Variants in FAAP20 observed in about 807,000 individuals in gnomAD.
FAAP20 encodes FA core complex associated protein 20, also known as Fanconi anemia core complex-associated protein 20.
A neutral mutation model predicts 16.2 loss-of-function variants in FAAP20; 12 were observed. The observed-to-expected ratio is 0.74, with a 90% CI of 0.48 to 1.20. The LOEUF is 1.20. FAAP20 is among the 50% of genes most tolerant of loss of function. FAAP20 has a pLI of 0.00. For missense variants in FAAP20, 288 were observed against 245.8 expected, an observed-to-expected ratio of 1.17 and a Z score of -1.15; for synonymous variants, 141 against 110.7, an observed-to-expected ratio of 1.27 and a Z score of -1.72.
At chr1:2,193,586 G>C (rs559286660) in intron 3 of FAAP20, 53 bp downstream of exon 3, 1 of 1,572,434 alleles carries the variant, frequency 6.4e-7, no homozygotes, top group Non-Finnish European at 8.5e-7. Context: ...GAACGGCTGT[G>C]GTTTCCAAAC....
upstream of FAAP20, among the ~76,000 whole-genome samples, chr1:2,197,464 C>T (rs967229283): frequency 6.6e-6 from 1 of 152,214 alleles, no homozygotes; most frequent in Admixed American, 6.5e-5. Flanking sequence ...GTAGGAGGCA[C>T]GGGCCTGCAG....
downstream of FAAP20, among the ~76,000 whole-genome samples, chr1:2,188,159 G>A (rs1687781483): frequency 6.6e-6 from 1 of 152,236 alleles, no homozygotes; most frequent in South Asian, 2.1e-4. Flanking sequence ...GGGGGTCAGA[G>A]CTGAGCCCGC....
downstream of FAAP20, chr1:2,187,267 G>A (rs1388515086): frequency 4.9e-6 from 2 of 411,678 alleles, no homozygotes; most frequent in Non-Finnish European, 9.8e-6. Flanking sequence ...AAGAAGCAAA[G>A]GTTTCTGAAG....
chr1:2,185,179 C>T (rs1687393441), downstream of FAAP20: 9 of 726,742 alleles, frequency 1.2e-5, no homozygotes, highest in Admixed American at 1.8e-4. Flanking sequence ...GCAGAACAGT[C>T]CCTCACACCT....
downstream of FAAP20, chr1:2,189,540 G>A (rs905915393): frequency 3.1e-6 from 2 of 635,892 alleles, no homozygotes; most frequent in African/African-American, 1.8e-5. Context: ...AAAGAAAAGC[G>A]GCAGACGTTT....
downstream of FAAP20, among the ~76,000 whole-genome samples, chr1:2,189,015 A>G (rs1687857394): frequency 6.9e-6 from 1 of 144,902 alleles, no homozygotes; most frequent in Non-Finnish European, 1.5e-5. Context: ...AAAAAAGAAA[A>G]AAAAAAAAAA....
chr1:2,184,827 C>T (rs1026068248), downstream of FAAP20: 22 of 1,375,270 alleles, frequency 1.6e-5, no homozygotes, highest in South Asian at 3.7e-5. Context: ...CTCCAGTGGG[C>T]GTTGGGGGAG....
chr1:2,193,909 T>A lies in FAAP20; in HGVS notation c.200A>T (p.Glu67Val). 6.2e-7 allele frequency: 1 copy of A among 1,611,986 alleles called. No homozygotes were observed. The highest frequency in any genetic ancestry group is 8.5e-7 in the Non-Finnish European group (1 of 1,179,660). The change falls in exon 3 of 4, where the codon GAG (glutamate) becomes GTG (valine). Residue 67 changes from glutamate to valine, a missense_variant and splice_region_variant. Coordinates refer to ENST00000378546, the MANE Select transcript of FAAP20 (RefSeq NM_182533.4). ...AGTGGGCTCCGGGCCGCACCTGGGC[T>A]CCTGCAACACAGAGTTGTTGGGCCT... ...VPSLPAFPGQ[E>V]PRCGPEPTEV... is the part of the protein sequence containing the mutation.
At chr1:2,212,013 C>T (rs1689464648), downstream of FAAP20, among the ~76,000 whole-genome samples, 1 of 150,882 alleles carries the variant, frequency 6.6e-6, no homozygotes, top group African/African-American at 2.5e-5. Context: ...CACCATTCTC[C>T]TGCCTCAGCC....
At chr1:2,200,910 G>C, upstream of FAAP20, 1 of 1,125,974 alleles carries the variant, frequency 8.9e-7, no homozygotes, top group Non-Finnish European at 1.1e-6. Context: ...CCCAGGGAAG[G>C]TCTGGCTTCT....
downstream of FAAP20, chr1:2,186,214 C>T (rs745511040): frequency 5.2e-4 from 175 of 336,086 alleles, no homozygotes; most frequent in Admixed American, 1.0e-3. Flanking sequence ...GCCTCCATGA[C>T]TCAGGGGCCG....
intron 3 of FAAP20, chr1:2,192,626 G>C (rs1013548868): frequency 1.3e-5 from 15 of 1,168,652 alleles, no homozygotes; most frequent in East Asian, 1.2e-4. Context: ...AGTACCCTCT[G>C]TCCGTGATTC....
chr1:2,184,861 G>A (rs769322403), downstream of FAAP20: 56 of 1,485,312 alleles, frequency 3.8e-5, 1 homozygote, highest in African/African-American at 1.5e-4. Flanking sequence ...ACGTGACTCC[G>A]CTTCCCCCAA....
chr1:2,189,649 C>T lies in FAAP20; in HGVS notation c.*60G>A. The T allele has an allele frequency of 1.4e-6, 2 of 1,391,570 alleles. No homozygotes were observed. The highest frequency in any genetic ancestry group is 2.0e-6 in the Non-Finnish European group (2 of 1,004,792). 86.2% of individuals were successfully genotyped at this position (1,391,570 alleles called of 1,614,324 possible). A position where few individuals can be genotyped will look rare whatever the true frequency, so the allele number is the denominator to read the frequency against. ...CTGGCGGGGGAGCCGAGAGGCGGGG[C>T]TGCTGGCGGGGGAGAGCGTGTCCGG... On this transcript the variant is annotated 3_prime_UTR_variant, in exon 4 of 4. Coordinates refer to ENST00000378546, the MANE Select transcript of FAAP20 (RefSeq NM_182533.4).
chr1:2,194,244 G>A (rs1180799325), intron 1 of FAAP20, 111 bp from the exon 2 acceptor site: 17 of 1,426,770 alleles, frequency 1.2e-5, no homozygotes, highest in Non-Finnish European at 9.4e-6. Context: ...GGGTACTAGA[G>A]GGAAATTCGA....
chr1:2,185,559 G>A (rs777239353), downstream of FAAP20: 11 of 711,224 alleles, frequency 1.5e-5, no homozygotes, highest in South Asian at 1.0e-4. Flanking sequence ...AAAAACCCCG[G>A]TAAGTTCCTG....
In FAAP20 at chr1:2,189,729, T is replaced by A; in HGVS notation, c.523A>T (p.Thr175Ser). ...SHLAQCLAES[T>S]EDVTW ...GGCGCTCACCACGTCACGTCTTCTG[T>A]GCTTTCGGCCAAGCACTGGGCCAGG... The change falls in exon 4 of 4, where the codon ACA becomes TCA. Residue 175 changes from threonine to serine, a missense_variant. Transcript: ENST00000378546. 2 of 1,610,732 alleles carry A rather than the reference T, an allele frequency of 1.2e-6. No homozygotes were observed. Among genetic ancestry groups the A allele is most frequent in the South Asian group, 2.2e-5 (2 of 91,070 alleles).
downstream of FAAP20, among the ~76,000 whole-genome samples, chr1:2,211,222 CTTTCTTTTT>C (rs1689424964): frequency 7.5e-6 from 1 of 132,754 alleles, no homozygotes; most frequent in South Asian, 2.4e-4. Context: ...CTTTTTCTTT[CTTTCTTTTT>C]TTTTTTTTTT....
chr1:2,209,113 G>A (rs1044962683), downstream of FAAP20, among the ~76,000 whole-genome samples: 15 of 152,078 alleles, frequency 9.9e-5, no homozygotes, highest in Admixed American at 3.3e-4. Flanking sequence ...AAACAGGCAC[G>A]GTGTCCTCTA....
Sources: allele counts gnomAD v4.1 joint callset (sites outside exome capture counted in the v4.1 genomes callset), GRCh38; gene constraint gnomAD v4.1.1; transcripts MANE v1.5; gene names NCBI Gene and HGNC (gene_info 2026-07-23, HGNC 2026-07-21).